The following EYS variants were observed in gnomAD, a reference collection of about 807,000 sequenced individuals.
EYS encodes EGF-like photoreceptor maintenance factor.
A neutral mutation model predicts 282.1 loss-of-function variants in EYS; 250 were observed. The ratio of observed to expected loss-of-function variants is 0.89; its 90% confidence interval spans 0.80 to 0.98. The LOEUF (loss-of-function observed/expected upper bound fraction) is 0.98. EYS is among the 50% of genes least tolerant of loss of function. The probability of loss-of-function intolerance (pLI) is 0.00; values close to 1 mark genes in which losing one functional copy is unlikely to be tolerated. For missense variants in EYS, 4,016 were observed against 3,709.0 expected (o/e 1.08, Z -2.15); for synonymous variants, 1,355 against 1,282.9 (o/e 1.06, Z -1.20).
At chr6:65,228,486 G>A (rs1479135854) in intron 12 of EYS, among the ~76,000 whole-genome samples, 3 of 152,070 alleles carry the variant, frequency 2.0e-5, no homozygotes, top group African/African-American at 7.2e-5. Context: ...TTGTGGTCAT[G>A]GATCATTAAT....
intron 14 of EYS, among the ~76,000 whole-genome samples, chr6:64,991,184 A>G (rs1301776236): frequency 6.6e-6 from 1 of 151,594 alleles, no homozygotes; most frequent in South Asian, 2.1e-4. Flanking sequence ...TAAATGTAAC[A>G]TTAAATTATG....
chr6:65,442,287 C>T (rs576117097), intron 5 of EYS, among the ~76,000 whole-genome samples: 20 of 152,024 alleles, frequency 1.3e-4, no homozygotes, highest in Non-Finnish European at 2.6e-4. Flanking sequence ...CTTGGTCTCA[C>T]CTCAGGACTA....
chr6:65,321,090 G>T (rs1282361136), intron 11 of EYS, among the ~76,000 whole-genome samples: 2 of 151,676 alleles, frequency 1.3e-5, no homozygotes, highest in Non-Finnish European at 2.9e-5. Flanking sequence ...CCATGGCAGT[G>T]CTCTGTAAGA....
intron 26 of EYS, among the ~76,000 whole-genome samples, chr6:64,468,509 G>A (rs186860819): frequency 6.6e-6 from 1 of 152,204 alleles, no homozygotes; most frequent in African/African-American, 2.4e-5. Context: ...CCTTTTTAAA[G>A]CTTTTATTTT....
At chr6:63,796,645 T>C (rs1297389429) in intron 37 of EYS, among the ~76,000 whole-genome samples, 1 of 152,184 alleles carries the variant, frequency 6.6e-6, no homozygotes, top group African/African-American at 2.4e-5. Context: ...CTAAATATGA[T>C]AATGTACTTT....
chr6:64,795,439 T>C (rs1774325966), intron 22 of EYS, among the ~76,000 whole-genome samples: 1 of 152,118 alleles, frequency 6.6e-6, no homozygotes, highest in Non-Finnish European at 1.5e-5. Context: ...TCTATAATTG[T>C]TTTTAGTAGG....
At chr6:64,494,618 G>C (rs1224467154) in intron 26 of EYS, among the ~76,000 whole-genome samples, 1 of 151,602 alleles carries the variant, frequency 6.6e-6, no homozygotes, top group Non-Finnish European at 1.5e-5. Flanking sequence ...TCGGACAATG[G>C]CTTGGTTCTG....
At chr6:64,395,487 A>G (rs1394745802) in intron 28 of EYS, among the ~76,000 whole-genome samples, 3 of 152,184 alleles carry the variant, frequency 2.0e-5, no homozygotes, top group Non-Finnish European at 2.9e-5. Flanking sequence ...TTGTAGGGAC[A>G]TGGATGAAAT....
intron 22 of EYS, among the ~76,000 whole-genome samples, chr6:64,808,111 T>C (rs1764492736): frequency 6.7e-6 from 1 of 149,892 alleles, no homozygotes; most frequent in Non-Finnish European, 1.5e-5. Flanking sequence ...CTTCCCTTCT[T>C]CCCTTTCCTT....
chr6:63,786,328 C>G (rs550446828), intron 39 of EYS: 2 of 151,690 alleles, frequency 1.3e-5, no homozygotes, highest in East Asian at 3.9e-4. Flanking sequence ...AATGTGATAT[C>G]CTTACTCCAA....
At chr6:63,939,259 G>T (rs1765162891) in intron 35 of EYS, among the ~76,000 whole-genome samples, 1 of 152,000 alleles carries the variant, frequency 6.6e-6, no homozygotes, top group Non-Finnish European at 1.5e-5. Flanking sequence ...GGTACTAGAG[G>T]ATTGAGATTA....
At chr6:64,226,053 A>G (rs1018883492) in intron 31 of EYS, among the ~76,000 whole-genome samples, 1 of 152,192 alleles carries the variant, frequency 6.6e-6, no homozygotes, top group African/African-American at 2.4e-5. Flanking sequence ...GATGTAGACC[A>G]TCAGTTCTCT....
chr6:64,677,291 C>T (rs934607426), intron 22 of EYS, among the ~76,000 whole-genome samples: 7 of 151,808 alleles, frequency 4.6e-5, no homozygotes, highest in Non-Finnish European at 8.8e-5. Context: ...TAGAAATGTT[C>T]TCTCTCTCTC....
chr6:64,557,964 G>T (rs1179561808), intron 26 of EYS, among the ~76,000 whole-genome samples: 1 of 151,960 alleles, frequency 6.6e-6, no homozygotes, highest in Admixed American at 6.6e-5. Flanking sequence ...CCTCTGCACT[G>T]CTCATATAGG....
At chr6:65,683,025 T>C (rs1768890937) in intron 1 of EYS, among the ~76,000 whole-genome samples, 1 of 151,848 alleles carries the variant, frequency 6.6e-6, no homozygotes, top group African/African-American at 2.4e-5. Context: ...CAGATATGGA[T>C]CAAAGAGAGG....
At chr6:65,279,266 T>G (rs1343002162) in intron 12 of EYS, among the ~76,000 whole-genome samples, 1 of 152,128 alleles carries the variant, frequency 6.6e-6, no homozygotes, top group Non-Finnish European at 1.5e-5. Flanking sequence ...GGGCTCTCTC[T>G]TCCTGCAACT....
At chr6:63,832,329 T>C (rs1170983354) in intron 36 of EYS, among the ~76,000 whole-genome samples, 2 of 151,540 alleles carry the variant, frequency 1.3e-5, no homozygotes, top group East Asian at 1.9e-4. Flanking sequence ...GCAAGACTAA[T>C]AAAGAAGAAA....
chr6:63,947,773 C>A (rs1765442277), intron 35 of EYS, among the ~76,000 whole-genome samples: 1 of 152,112 alleles, frequency 6.6e-6, no homozygotes, highest in Admixed American at 6.6e-5. Context: ...TGACAGAAAG[C>A]AATCATTGGT....
intron 31 of EYS, among the ~76,000 whole-genome samples, chr6:64,169,567 A>G (rs879739025): frequency 7.2e-5 from 11 of 152,040 alleles, no homozygotes; most frequent in Non-Finnish European, 1.2e-4. Context: ...GAAAGGAGGG[A>G]GGACTTCCTG....
Sources: gnomAD v4.1 joint callset for allele counts (sites outside exome capture counted in the v4.1 genomes callset) on GRCh38, gnomAD v4.1.1 for gene constraint, MANE v1.5 for transcripts, NCBI Gene and HGNC (gene_info 2026-07-23, HGNC 2026-07-21) for gene names.